MYO9B: variants seen among roughly 807,000 people sequenced by gnomAD.
The protein encoded by MYO9B is unconventional myosin-IXb.
MYO9B carries 71 observed loss-of-function variants against 229.5 expected under a neutral mutation model. The ratio of observed to expected loss-of-function variants is 0.31; its 90% CI spans 0.26 to 0.38. MYO9B has a LOEUF of 0.38. Among genes scored for constraint, MYO9B ranks in the 10% least tolerant of loss-of-function variants. MYO9B has a pLI of 1.00. For missense variants in MYO9B, 2,255 were observed against 2,920.5 expected (o/e 0.77, Z 5.25); for synonymous variants, 1,185 against 1,235.8 (o/e 0.96, Z 0.86).
At chr19:17,118,386 G>C (rs1185310209) in intron 2 of MYO9B, among the ~76,000 whole-genome samples, 1 of 151,958 alleles carries the variant, frequency 6.6e-6, no homozygotes, top group Non-Finnish European at 1.5e-5. Context: ...AGGATAGCTT[G>C]AGCATAGGAG....
intron 35 of MYO9B, 85 bp from the exon 36 acceptor site, chr19:17,209,501 C>A: frequency 6.9e-7 from 1 of 1,450,062 alleles, no homozygotes; most frequent in Non-Finnish European, 9.3e-7. Context: ...CCACTGCCCC[C>A]CAGGCACCAG....
At chr19:17,143,603 G>A (rs933937175) in intron 2 of MYO9B, among the ~76,000 whole-genome samples, 4 of 152,200 alleles carry the variant, frequency 2.6e-5, no homozygotes, top group Admixed American at 6.6e-5. Context: ...CTCCTGGAGG[G>A]TGGGAGGAGG....
intron 6 of MYO9B, among the ~76,000 whole-genome samples, chr19:17,155,198 T>G (rs940316740): frequency 1.3e-5 from 2 of 151,992 alleles, no homozygotes; most frequent in African/African-American, 4.8e-5. Context: ...TTTAATTATT[T>G]TTTTTTTTAG....
At chr19:17,126,463 CCAGA>C (rs1465035450) in intron 2 of MYO9B, among the ~76,000 whole-genome samples, 5 of 152,204 alleles carry the variant, frequency 3.3e-5, no homozygotes, top group African/African-American at 1.2e-4. Context: ...CTCACGAAAA[CCAGA>C]CAGTCTGTAT....
At chr19:17,141,140 A>G (rs1283156639) in intron 2 of MYO9B, among the ~76,000 whole-genome samples, 1 of 151,032 alleles carries the variant, frequency 6.6e-6, no homozygotes, top group Non-Finnish European at 1.5e-5. Flanking sequence ...GGACACAGAC[A>G]TGAAGTCCAT....
In MYO9B at chr19:17,188,020, G is replaced by A; in HGVS notation, c.2663G>A (p.Gly888Glu). 1 of 1,598,760 alleles carries A rather than the reference G, an allele frequency of 6.3e-7. No homozygotes were observed. The highest frequency in any genetic ancestry group is 8.5e-7 in the Non-Finnish European group (1 of 1,172,978). Residue 888 changes from glycine to glutamate, a missense_variant, in exon 19 of 40, where the codon GGG becomes GAG. This residue lies in a region of MYO9B where 68 missense variants were observed against 133.5 expected (regional missense o/e 0.51). Transcript: ENST00000682292. ...MLETVRIRRS[G>E]YSAKYTFQDF... ...GAGACCGTGCGCATCCGGAGGTCAG[G>A]GTACAGCGCCAAGTACACGTTCCAG...
chr19:17,091,892 G>A (rs1600026938), intron 1 of MYO9B, among the ~76,000 whole-genome samples: 1 of 152,184 alleles, frequency 6.6e-6, no homozygotes, highest in African/African-American at 2.4e-5. Flanking sequence ...CCCCATCTCT[G>A]AGAGTGGGGT....
chr19:17,129,559 G>A (rs531140993), intron 2 of MYO9B, among the ~76,000 whole-genome samples: 2 of 152,342 alleles, frequency 1.3e-5, no homozygotes, highest in South Asian at 4.1e-4. Flanking sequence ...GCAGGGCATG[G>A]GCCAGGAGGG....
chr19:17,176,862 A>C (rs1035578272), intron 14 of MYO9B, among the ~76,000 whole-genome samples: 2 of 152,186 alleles, frequency 1.3e-5, no homozygotes, highest in African/African-American at 4.8e-5. Flanking sequence ...GCAATGACCA[A>C]GGGCCCTGCA....
Position 17,110,754 on chromosome 19 carries a change from G to A in MYO9B, c.840+8197G>A, listed in dbSNP as rs964438678. Among the ~76,000 whole-genome samples the A allele has an allele frequency of 5.3e-5, 8 of 152,238 alleles. No individual in the cohort carries two copies. The South Asian group carries it at 8.3e-4, about 16-fold the overall frequency. ...CGGTGACAGTGATGGGCTGCAGGGC[G>A]CAGAGGGACGCCCCCAGCTGGTGGA... On this transcript the variant is annotated intron_variant, in intron 2 of 39. Coordinates refer to ENST00000682292, the MANE Select transcript of MYO9B (RefSeq NM_004145.4).
chr19:17,172,147 C>T lies in MYO9B; in HGVS notation c.1794-189C>T, dbSNP rs899417213. Among the ~76,000 whole-genome samples, 2 of 152,242 alleles carry T rather than the reference C, an allele frequency of 1.3e-5. No homozygotes were observed. The highest frequency in any genetic ancestry group is 6.5e-5 in the Admixed American group (1 of 15,282). Reference sequence around the variant, plus strand: ...GCATGTTCGGCATGAGGCAGGCAGGCGCACTGTCATTCCTTCCTTTCTTCA... The same window carrying T: ...GCATGTTCGGCATGAGGCAGGCAGGTGCACTGTCATTCCTTCCTTTCTTCA... On this transcript the variant is annotated intron_variant, in intron 11 of 39. Transcript: ENST00000682292. This position sits in a 1 kb window ranked among gnomAD's most constrained non-coding sequence, Gnocchi z 8.2.
chr19:17,154,922 G>A (rs2072520812), intron 6 of MYO9B, among the ~76,000 whole-genome samples: 1 of 151,932 alleles, frequency 6.6e-6, no homozygotes. Context: ...CCATGATCAT[G>A]CCACTGAACT....
intron 1 of MYO9B, among the ~76,000 whole-genome samples, chr19:17,083,026 CTTTTTTTTTTT>C (rs71334657): frequency 4.4e-5 from 4 of 90,922 alleles, no homozygotes; most frequent in Non-Finnish European, 6.0e-5. Flanking sequence ...GTGAATCTTG[CTTTTTTTTTTT>C]TTTTTTTTTT....
chr19:17,181,042 T>A lies in MYO9B; in HGVS notation c.2333+2T>A, dbSNP rs2072854105. ...CCAGAAACCCCGCGCCTTCATCCTGTGAGTCCCCCACCAAGGCCCTGCTTA... is the reference window on the plus strand; with the variant it reads ...CCAGAAACCCCGCGCCTTCATCCTGAGAGTCCCCCACCAAGGCCCTGCTTA... On this transcript the variant is annotated splice_donor_variant, in intron 15 of 39. Transcript: ENST00000682292. LOFTEE classifies it high-confidence loss of function. 1 of 1,599,834 alleles carries A rather than the reference T, an allele frequency of 6.3e-7. No individual in the cohort carries two copies. The highest frequency in any genetic ancestry group is 8.5e-7 in the Non-Finnish European group (1 of 1,170,592).
intron 1 of MYO9B, among the ~76,000 whole-genome samples, chr19:17,093,029 T>C (rs911601021): frequency 3.3e-5 from 5 of 152,118 alleles, no homozygotes; most frequent in African/African-American, 1.2e-4. Context: ...TTCATGCATG[T>C]GTGATTAAGA....
intron 2 of MYO9B, among the ~76,000 whole-genome samples, chr19:17,132,001 C>G (rs886647752): frequency 3.3e-5 from 5 of 151,356 alleles, no homozygotes; most frequent in African/African-American, 1.2e-4. Flanking sequence ...CATTTCAGCC[C>G]CCTGAGTAGC....
In MYO9B at chr19:17,207,129, G is replaced by A; in HGVS notation, c.5509G>A (p.Asp1837Asn). 9 of 1,610,584 alleles carry A rather than the reference G, an allele frequency of 5.6e-6. No individual in the cohort carries two copies. The highest frequency in any genetic ancestry group is 7.6e-6 in the Non-Finnish European group (9 of 1,179,198). The stretch of plus-strand genomic sequence containing the variant: ...GCTGTGCAGGGTGGCCCTGCTCGAG[G>A]ATGTCAACCGCATGTCACCTGGGGC... Reference protein sequence around the residue: ...FHLVKVALLEDVNRMSPGALA... With the variant: ...FHLVKVALLENVNRMSPGALA... Residue 1837 changes from aspartate to asparagine, a missense_variant, in exon 35 of 40, where the codon GAT becomes AAT. By Grantham distance (23) the Asp-to-Asn change is conservative (BLOSUM62 1). Around this residue, in one of 7 missense-constraint regions of MYO9B, gnomAD observed 416 missense variants for 605.5 expected, o/e 0.69. Transcript: ENST00000682292.
At chr19:17,099,969 A>T (rs2057729136) in intron 1 of MYO9B, among the ~76,000 whole-genome samples, 1 of 151,218 alleles carries the variant, frequency 6.6e-6, no homozygotes, top group African/African-American at 2.4e-5. Flanking sequence ...AATACAAAAA[A>T]AATTAGCCGG....
chr19:17,178,083 A>T (rs1432040396), intron 14 of MYO9B, among the ~76,000 whole-genome samples: 3 of 152,214 alleles, frequency 2.0e-5, no homozygotes, highest in African/African-American at 7.2e-5. Flanking sequence ...GGCCAAAGTC[A>T]TGGGCCTCAT....
Sources: gnomAD v4.1 joint callset for allele counts (sites outside exome capture counted in the v4.1 genomes callset) on GRCh38, gnomAD v4.1.1 for gene constraint, gnomAD v4.1.1 regional missense constraint, Gnocchi (gnomAD v3.1) non-coding constraint, MANE v1.5 for transcripts, NCBI Gene and HGNC (gene_info 2026-07-23, HGNC 2026-07-21) for gene names.